The following FIBCD1 variants were observed in gnomAD, a reference collection of about 807,000 sequenced individuals.
The protein encoded by FIBCD1 is fibrinogen C domain-containing protein 1.
Under a neutral mutation model 45.1 loss-of-function variants are expected in FIBCD1, and 47 were observed. The observed-to-expected ratio is 1.04, with a 90% CI of 0.82 to 1.33. The LOEUF (loss-of-function observed/expected upper bound fraction) is 1.33. Ranked by LOEUF, FIBCD1 falls within the 40% of genes most tolerant of loss-of-function variation. The pLI, the probability that FIBCD1 is intolerant of heterozygous loss-of-function variation, is 0.00. For synonymous variants in FIBCD1, 313 were observed against 308.1 expected, an observed-to-expected ratio of 1.02 and a Z score of -0.17; for missense variants, 653 against 682.2, an observed-to-expected ratio of 0.96 and a Z score of 0.48.
At position 130,925,202 on chromosome 9, in the gene FIBCD1, C is replaced by T. The variant is rs536223386; in HGVS notation, c.553-806G>A. ...CATGACCTCACTGGGTCCCCCACCA[C>T]GCTGCAAAGAGGGAGGACTTCAGGT... is the stretch of plus-strand genomic sequence containing the variant. On this transcript the variant is annotated intron_variant, in intron 2 of 6. Transcript: ENST00000372338. Among the ~76,000 whole-genome samples, 51 of 152,266 alleles carry T rather than the reference C, an allele frequency of 3.3e-4. No homozygotes were observed. In the South Asian group the frequency reaches 3.5e-3, roughly 11 times the overall value.
At chr9:130,935,606 GGCT>G (rs1832506812) in intron 1 of FIBCD1, among the ~76,000 whole-genome samples, 1 of 152,226 alleles carries the variant, frequency 6.6e-6, no homozygotes, top group African/African-American at 2.4e-5. Flanking sequence ...TCCGGACCTG[GGCT>G]ATACCCACTC....
At chr9:130,923,618 C>A (rs903280032) in intron 4 of FIBCD1, 126 bp downstream of exon 4, 51 of 1,406,680 alleles carry the variant, frequency 3.6e-5, no homozygotes, top group Non-Finnish European at 4.6e-5. Flanking sequence ...GGCACCAGGG[C>A]AGGGCCAGTC....
chr9:130,932,537 C>A (rs1446160859), intron 1 of FIBCD1, among the ~76,000 whole-genome samples: 2 of 152,236 alleles, frequency 1.3e-5, no homozygotes, highest in African/African-American at 4.8e-5. Flanking sequence ...CCTTGGCCAG[C>A]CAGAAGCATC....
intron 5 of FIBCD1, among the ~76,000 whole-genome samples, chr9:130,911,091 C>T (rs113582236): frequency 1.2e-4 from 19 of 152,302 alleles, no homozygotes; most frequent in Non-Finnish European, 2.1e-4. Context: ...GCTCAGGTTC[C>T]CTCCTGCGCT....
chr9:130,920,026 C>T (rs1455141185), intron 4 of FIBCD1, among the ~76,000 whole-genome samples: 11 of 143,994 alleles, frequency 7.6e-5, no homozygotes, highest in Non-Finnish European at 1.7e-4. Context: ...AGGGGCCCTC[C>T]TTCCGCCCAC....
rs779717144 is a variant in FIBCD1, at chr9:130,929,673, G to A, written c.446C>T (p.Ala149Val). Residue 149 changes from alanine (A) to valine (V), a missense_variant, in exon 2 of 7, where the codon GCC becomes GTC. Coordinates refer to ENST00000372338, the MANE Select transcript of FIBCD1 (RefSeq NM_032843.5). ...CTCCGTCTGCAGCTCTGAGGCTCGGGCCAGCAGCCGGGGCAGCTGGTCGGC... is the reference window on the plus strand; with the variant it reads ...CTCCGTCTGCAGCTCTGAGGCTCGGACCAGCAGCCGGGGCAGCTGGTCGGC... ...TLADQLPRLL[A>V]RASELQTECM... 1.2e-6 allele frequency: 2 copies of A among 1,602,748 alleles called. No homozygotes were observed. Among genetic ancestry groups the A allele is most frequent in the Non-Finnish European group, 8.5e-7 (1 of 1,175,484 alleles).
At chr9:130,915,965 C>T (rs1198330542) in intron 4 of FIBCD1, among the ~76,000 whole-genome samples, 5 of 152,182 alleles carry the variant, frequency 3.3e-5, no homozygotes, top group Admixed American at 6.5e-5. Context: ...CAGAGTGTTA[C>T]TCTGTCACCC....
At chr9:130,928,757 C>T (rs3843564) in intron 2 of FIBCD1, among the ~76,000 whole-genome samples, 87,536 of 151,982 alleles carry the variant, frequency 0.58, 25,897 homozygotes, top group African/African-American at 0.62. Flanking sequence ...GGCCAGGGGC[C>T]GGGCAGGGCT....
chr9:130,923,705 G>C (rs757956758), intron 4 of FIBCD1, 39 bp downstream of exon 4: 2 of 1,605,086 alleles, frequency 1.2e-6, no homozygotes, highest in Non-Finnish European at 1.7e-6. Flanking sequence ...CACGGTCCCC[G>C]GTGCCTGCCC....
chr9:130,906,895 G>A (rs568013980), intron 5 of FIBCD1, among the ~76,000 whole-genome samples: 1 of 152,182 alleles, frequency 6.6e-6, no homozygotes, highest in African/African-American at 2.4e-5. Context: ...TCCAGGTGCT[G>A]ACTGCTGCTT....
intron 1 of FIBCD1, among the ~76,000 whole-genome samples, chr9:130,934,196 C>T (rs1427476536): frequency 2.6e-5 from 4 of 152,158 alleles, no homozygotes; most frequent in Non-Finnish European, 5.9e-5. Flanking sequence ...ACTCTGCTCC[C>T]GGCTGGCACA....
intron 1 of FIBCD1, among the ~76,000 whole-genome samples, chr9:130,930,406 G>A (rs944571466): frequency 2.0e-5 from 3 of 149,568 alleles, no homozygotes; most frequent in East Asian, 2.0e-4. Flanking sequence ...GGGGAGATGC[G>A]GGGAGACGCG....
At position 130,938,598 on chromosome 9, in the gene FIBCD1, C is replaced by T. The variant is rs748308847; in HGVS notation, c.10G>A (p.Asp4Asn). The T allele has an allele frequency of 1.7e-4, 250 of 1,466,260 alleles. No individual in the cohort carries two copies. Among genetic ancestry groups the T allele is most frequent in the Middle Eastern group, 3.6e-4 (2 of 5,568 alleles). The allele number at this position is 1,466,260 out of a possible 1,614,324, so 90.8% of individuals were successfully genotyped here. ...GCGCCGCCCATGGTCTTCCACCGGT[C>T]GTTGACCATCTTCCGGCAGGACTGG... is the stretch of plus-strand genomic sequence containing the variant. Reference protein sequence around the residue: MVNDRWKTMGGAAQ... With the variant: MVNNRWKTMGGAAQ... Residue 4 changes from aspartate (D) to asparagine (N), a missense_variant, in exon 1 of 7, where the codon GAC (aspartate) becomes AAC (asparagine). Coordinates refer to ENST00000372338, the MANE Select transcript of FIBCD1 (RefSeq NM_032843.5).
rs551913287 is a variant in FIBCD1, at chr9:130,923,683, G to A, written c.849+61C>T. 181 of 1,587,918 alleles carry A rather than the reference G, an allele frequency of 1.1e-4. 2 individuals are homozygous for A. The South Asian group carries it at 1.8e-3, about 15-fold the overall frequency. ...AAGCTGCTCGGAATGCCCGGGTTCA[G>A]GTACACAGCCTCACGGTCCCCGGTG... On this transcript the variant is annotated intron_variant, in intron 4 of 6. Coordinates refer to ENST00000372338, the MANE Select transcript of FIBCD1 (RefSeq NM_032843.5).
In FIBCD1 at chr9:130,938,550, G is replaced by A; in HGVS notation, c.58C>T (p.Arg20Cys). The A allele has an allele frequency of 6.7e-7, 1 of 1,490,270 alleles. No homozygotes were observed. Among genetic ancestry groups the A allele is most frequent in the Non-Finnish European group, 8.9e-7 (1 of 1,125,700 alleles). 92.3% of individuals were successfully genotyped at this position (1,490,270 alleles called of 1,614,324 possible). A position where few individuals can be genotyped will look rare whatever the true frequency, so the allele number is the denominator to read the frequency against. Reference sequence around the variant, plus strand: ...CCCGAGCGTACCTGCGGCTTGTCGCGCGGCCGGTCCTCAAGTTGGGCAGCG... The same window carrying A: ...CCCGAGCGTACCTGCGGCTTGTCGCACGGCCGGTCCTCAAGTTGGGCAGCG... ...GGAAQLEDRP[R>C]DKPQRPSCGY... Residue 20 changes from arginine to cysteine, a missense_variant, in exon 1 of 7, where the codon CGC becomes TGC. Physicochemically the swap from Arg to Cys is radical, Grantham distance 180 (BLOSUM62 -3). Transcript: ENST00000372338.
At chr9:130,934,490 C>T (rs1165961166) in intron 1 of FIBCD1, among the ~76,000 whole-genome samples, 4 of 152,286 alleles carry the variant, frequency 2.6e-5, no homozygotes, top group East Asian at 1.9e-4. Context: ...GGGACAAGAG[C>T]GCCCCACAGA....
chr9:130,915,054 A>T lies in FIBCD1; in HGVS notation c.850-3166T>A, dbSNP rs527955111. On this transcript the variant is annotated intron_variant, in intron 4 of 6. Transcript: ENST00000372338. ...CTCAGTCCCACGACAGTCTGGACCT[A>T]CCCTTGCCACCAGCGCCTGAAGGCT... 2.0e-5 allele frequency among the ~76,000 whole-genome samples: 3 copies of T among 152,272 alleles called. No homozygotes were observed. The East Asian group carries it at 5.8e-4, about 30-fold the overall frequency.
Position 130,926,402 on chromosome 9 carries a change from G to C in FIBCD1, c.553-2006C>G, listed in dbSNP as rs1832360489. ...CTTGCCGAGCTGCAGAGGCGCATCA[G>C]GGGAGGGCTGGACAGCGCTTAGCGG... On this transcript the variant is annotated intron_variant, in intron 2 of 6. Coordinates refer to ENST00000372338, the MANE Select transcript of FIBCD1 (RefSeq NM_032843.5). The surrounding 1 kb of genome is among the most constrained non-coding windows in gnomAD (Gnocchi z 4.1). Among the ~76,000 whole-genome samples the C allele has an allele frequency of 6.6e-6, 1 of 152,266 alleles. No individual in the cohort carries two copies. The highest frequency in any genetic ancestry group is 2.4e-5 in the African/African-American group (1 of 41,476).
At chr9:130,934,706 C>G (rs950688896) in intron 1 of FIBCD1, among the ~76,000 whole-genome samples, 2 of 152,250 alleles carry the variant, frequency 1.3e-5, no homozygotes, top group East Asian at 3.9e-4. Context: ...GTCTCTCCAC[C>G]CCAAACCTGA....
Sources: gnomAD v4.1 joint callset for allele counts (sites outside exome capture counted in the v4.1 genomes callset) on GRCh38, gnomAD v4.1.1 for gene constraint, Gnocchi (gnomAD v3.1) non-coding constraint, MANE v1.5 for transcripts, NCBI Gene and HGNC (gene_info 2026-07-23, HGNC 2026-07-21) for gene names.